The following VAV2 variants were observed in gnomAD, a reference collection of about 807,000 sequenced individuals.
VAV2 encodes vav guanine nucleotide exchange factor 2.
A neutral mutation model predicts 132.5 loss-of-function variants in VAV2; 67 were observed. The observed-to-expected ratio is 0.51, with a 90% CI of 0.42 to 0.62. The LOEUF is 0.62. Among genes scored for constraint, VAV2 ranks in the 20% least tolerant of loss-of-function variants. VAV2 has a pLI of 0.00. For synonymous variants in VAV2, 492 were observed against 443.5 expected (o/e 1.11, Z -1.37); for missense variants, 938 against 1,153.6 (o/e 0.81, Z 2.71).
intron 25 of VAV2, among the ~76,000 whole-genome samples, chr9:133,774,637 T>C (rs939879749): frequency 3.9e-5 from 6 of 152,232 alleles, no homozygotes; most frequent in African/African-American, 1.4e-4. Flanking sequence ...ACCCACCCAC[T>C]TGTACCTGAG....
At chr9:133,931,645 C>T (rs1323927039) in intron 2 of VAV2, among the ~76,000 whole-genome samples, 3 of 152,242 alleles carry the variant, frequency 2.0e-5, no homozygotes, top group East Asian at 3.8e-4. Flanking sequence ...ATCCTCATCA[C>T]GCTCTGCTCA....
rs1001240071 is a variant in VAV2 at position 133,926,586 on chromosome 9, G to A, written c.321+12517C>T. ...CTAAACCTGAGCAGGCCAGGCCACC[G>A]CCACCAGCCTCTGGACCTTTGCACA... On this transcript the variant is annotated intron_variant, in intron 2 of 29. Coordinates refer to ENST00000371850, the MANE Select transcript of VAV2 (RefSeq NM_001134398.2). This position sits in a 1 kb window ranked among gnomAD's most constrained non-coding sequence, Gnocchi z 4.3. Among the ~76,000 whole-genome samples, 6 of 151,978 alleles carry A rather than the reference G, an allele frequency of 3.9e-5. No homozygotes were observed. Among genetic ancestry groups the A allele is most frequent in the African/African-American group, 9.7e-5 (4 of 41,374 alleles).
At chr9:133,793,664 G>A (rs958428848) in intron 12 of VAV2, among the ~76,000 whole-genome samples, 5 of 152,266 alleles carry the variant, frequency 3.3e-5, no homozygotes, top group African/African-American at 9.6e-5. Context: ...GAAGTTGCCC[G>A]AATGAATGAG....
intron 9 of VAV2, among the ~76,000 whole-genome samples, chr9:133,803,984 G>A (rs1173459186): frequency 1.1e-4 from 16 of 152,038 alleles, no homozygotes; most frequent in Admixed American, 6.6e-4. Context: ...CAGCCCTCAC[G>A]GGTCTCCTGG....
chr9:133,887,581 C>T (rs1340791582), intron 2 of VAV2, among the ~76,000 whole-genome samples: 2 of 152,010 alleles, frequency 1.3e-5, no homozygotes, highest in African/African-American at 2.4e-5. Flanking sequence ...CCATCACCAC[C>T]GTCACACACA....
chr9:133,887,059 G>A (rs944587073), intron 2 of VAV2, among the ~76,000 whole-genome samples: 3 of 152,108 alleles, frequency 2.0e-5, no homozygotes, highest in Non-Finnish European at 2.9e-5. Context: ...GGTTCCCAGA[G>A]GGGTTCCCTG....
chr9:133,848,279 C>CAAAAAAAAA (rs34908811), intron 3 of VAV2, among the ~76,000 whole-genome samples: 1 of 48,620 alleles, frequency 2.1e-5, no homozygotes, highest in Non-Finnish European at 6.0e-5. Flanking sequence ...GACTCCGTCT[C>CAAAAAAAAA]AAAAAAAAAA....
chr9:133,939,979 G>A (rs181600996), intron 1 of VAV2, among the ~76,000 whole-genome samples: 48 of 152,372 alleles, frequency 3.2e-4, no homozygotes, highest in Non-Finnish European at 5.3e-4. Flanking sequence ...GGGGCGGAAG[G>A]CTTGGCTGGG....
At chr9:133,887,939 G>A (rs928579578) in intron 2 of VAV2, among the ~76,000 whole-genome samples, 82 of 152,204 alleles carry the variant, frequency 5.4e-4, no homozygotes, top group Non-Finnish European at 1.6e-4. Context: ...GCAACGCAGC[G>A]TCCACAGAAG....
intron 13 of VAV2, 42 bp downstream of exon 13, chr9:133,791,741 C>A: frequency 1.3e-6 from 2 of 1,556,678 alleles, no homozygotes; most frequent in Admixed American, 1.7e-5. Context: ...ATAGGTACGT[C>A]CTCATCGACC....
intron 1 of VAV2, 174 bp from the exon 2 acceptor site, chr9:133,939,393 C>A: frequency 1.5e-6 from 1 of 661,126 alleles, no homozygotes; most frequent in Non-Finnish European, 2.7e-6. Flanking sequence ...ACCCCCCGTC[C>A]CAAGGCTGGG....
chr9:133,973,424 G>C (rs1474080267), intron 1 of VAV2, among the ~76,000 whole-genome samples: 1 of 152,152 alleles, frequency 6.6e-6, no homozygotes, highest in Non-Finnish European at 1.5e-5. Flanking sequence ...GGCAGGACTG[G>C]AGAGTTATCC....
chr9:133,901,309 G>A (rs543633412), intron 2 of VAV2, among the ~76,000 whole-genome samples: 7 of 152,138 alleles, frequency 4.6e-5, no homozygotes, highest in African/African-American at 1.4e-4. Flanking sequence ...TCCTCAGATC[G>A]TCTCCTCCCG....
At chr9:133,772,997 C>T (rs1402546563) in intron 25 of VAV2, among the ~76,000 whole-genome samples, 2 of 142,850 alleles carry the variant, frequency 1.4e-5, no homozygotes, top group African/African-American at 2.6e-5. Flanking sequence ...GCAGAGCCTA[C>T]TGCACACCCC....
In VAV2 at chr9:133,928,940, G is replaced by A. The variant is rs771138280; in HGVS notation, c.321+10163C>T. On this transcript the variant is annotated intron_variant, in intron 2 of 29. Coordinates refer to ENST00000371850, the MANE Select transcript of VAV2 (RefSeq NM_001134398.2). The surrounding 1 kb of genome is among the most constrained non-coding windows in gnomAD (Gnocchi z 5.4). ...GCCCACTGCCAGGGTCATCACCCAC[G>A]TGCTCAAACGCGGCTGGTACAATCA... 1.3e-5 allele frequency among the ~76,000 whole-genome samples: 2 copies of A among 152,126 alleles called. No homozygotes were observed. The highest frequency in any genetic ancestry group is 2.9e-5 in the Non-Finnish European group (2 of 68,020).
At chr9:133,832,582 G>A (rs1174206983) in intron 4 of VAV2, among the ~76,000 whole-genome samples, 1 of 151,974 alleles carries the variant, frequency 6.6e-6, no homozygotes, top group Non-Finnish European at 1.5e-5. Flanking sequence ...ACCCCAGACG[G>A]AGTTTCACTC....
chr9:133,974,943 C>T (rs921142391), intron 1 of VAV2, among the ~76,000 whole-genome samples: 2 of 152,176 alleles, frequency 1.3e-5, no homozygotes, highest in Non-Finnish European at 2.9e-5. Flanking sequence ...CCGTGGGGAG[C>T]GGGCCTCACC....
In VAV2 at chr9:133,975,885, CTT is replaced by C. The variant is rs897192662; in HGVS notation, c.204+16188_204+16189del. Among the ~76,000 whole-genome samples the C allele has an allele frequency of 7.9e-5, 12 of 152,200 alleles. No individual in the cohort carries two copies. The South Asian group carries it at 1.0e-3, about 13-fold the overall frequency. ...CCTCCAACCCTCCCACACTTCTTCTCTTGTCAGGGGACTTTTAAAAATGCTAT... is the reference window on the plus strand; with the variant it reads ...CCTCCAACCCTCCCACACTTCTTCTCGTCAGGGGACTTTTAAAAATGCTAT... On this transcript the variant is annotated intron_variant, in intron 1 of 29. Transcript: ENST00000371850.
intron 1 of VAV2, among the ~76,000 whole-genome samples, chr9:133,947,397 T>C (rs947971773): frequency 4.6e-5 from 7 of 152,110 alleles, no homozygotes; most frequent in Non-Finnish European, 7.4e-5. Context: ...GAGGCCCGTA[T>C]CTGCTTTAAA....
Sources: gnomAD v4.1 joint callset for allele counts (sites outside exome capture counted in the v4.1 genomes callset) on GRCh38, gnomAD v4.1.1 for gene constraint, Gnocchi (gnomAD v3.1) non-coding constraint, MANE v1.5 for transcripts, NCBI Gene and HGNC (gene_info 2026-07-23, HGNC 2026-07-21) for gene names.